GPATCH11: variants seen among roughly 807,000 people sequenced by gnomAD.
The protein encoded by GPATCH11 is G-patch domain containing 11.
GPATCH11 carries 32 observed loss-of-function variants against 44.8 expected under a neutral mutation model. That is an observed-to-expected ratio of 0.71 (90% CI 0.54 to 0.96). The LOEUF (loss-of-function observed/expected upper bound fraction) is 0.96, where lower values mean the gene tolerates loss of function less well. GPATCH11 is among the 40% of genes least tolerant of loss of function. GPATCH11 has a pLI of 0.00. For synonymous variants in GPATCH11, 84 were observed against 94.4 expected (o/e 0.89, Z 0.64); for missense variants, 324 against 303.1 (o/e 1.07, Z -0.51).
rs752899275 is a variant in GPATCH11, at chr2:37,096,431, AAAT to A, written c.*172_*174del. ...ATATGAATGTTCATTGACTTGAAAA[AAAT>A]AATGCAATGGCATTTCAGAACACAA... On this transcript the variant is annotated 3_prime_UTR_variant, in exon 9 of 9. Transcript: ENST00000674370. 2 of 588,816 alleles carry A rather than the reference AAAT, an allele frequency of 3.4e-6. No individual in the cohort carries two copies. The highest frequency in any genetic ancestry group is 6.0e-6 in the Non-Finnish European group (2 of 331,068). The allele number at this position is 588,816 out of a possible 1,614,324, so 36.5% of individuals were successfully genotyped here.
At chr2:37,093,904 C>T (rs544479724) in intron 6 of GPATCH11, among the ~76,000 whole-genome samples, 178 bp from the exon 7 acceptor site, 2 of 152,320 alleles carry the variant, frequency 1.3e-5, no homozygotes, top group African/African-American at 4.8e-5. Context: ...ATCCACCCAC[C>T]TCTCCCTCCC....
chr2:37,084,548 C>A lies in GPATCH11; in HGVS notation c.-36C>A, dbSNP rs1408397891. ...CAGCGCGCGCTCTACGGCGCTGAAC[C>A]GGGGCGAGCAGAGAGCTGTCAGGTA... is the stretch of plus-strand genomic sequence containing the variant. On this transcript the variant is annotated 5_prime_UTR_variant, in exon 1 of 9. Transcript: ENST00000674370. The A allele has an allele frequency of 1.6e-6, 2 of 1,232,434 alleles. No homozygotes were observed. Among genetic ancestry groups the A allele is most frequent in the Non-Finnish European group, 2.0e-6 (2 of 988,250 alleles). 76.3% of individuals were successfully genotyped at this position (1,232,434 alleles called of 1,614,324 possible).
At chr2:37,092,068 A>G (rs55823009) in intron 5 of GPATCH11, 32 bp downstream of exon 5, 97,214 of 1,610,892 alleles carry the variant, frequency 0.06, 3,375 homozygotes, top group Non-Finnish European at 0.069. Flanking sequence ...TTTTGGTTCT[A>G]TTTCCTCTTT....
Position 37,084,554 on chromosome 2 carries a change from G to C in GPATCH11, c.-30G>C, listed in dbSNP as rs568857434. 8.1e-7 allele frequency: 1 copy of C among 1,232,354 alleles called. No individual in the cohort carries two copies. 76.3% of individuals were successfully genotyped at this position (1,232,354 alleles called of 1,614,324 possible). The stretch of plus-strand genomic sequence containing the variant: ...GCGCTCTACGGCGCTGAACCGGGGC[G>C]AGCAGAGAGCTGTCAGGTAAGAGAG... On this transcript the variant is annotated 5_prime_UTR_variant, in exon 1 of 9. Transcript: ENST00000674370.
chr2:37,089,588 A>C (rs1673211708), intron 2 of GPATCH11, 52 bp from the exon 3 acceptor site: 1 of 1,278,802 alleles, frequency 7.8e-7, no homozygotes, highest in Non-Finnish European at 1.1e-6. Context: ...AAAAAAAAAA[A>C]AGAAAAGAAA....
In GPATCH11 at chr2:37,091,952, G is replaced by A. The variant is rs751355533; in HGVS notation, c.365G>A (p.Arg122Gln). ...ATTGGTCATGAGGCATCATTAAAAC[G>A]GAAAGCAGAGGAAAAATTGGAAAGC... Reference protein sequence around the residue: ...SGIGHEASLKRKAEEKLESYR... With the variant: ...SGIGHEASLKQKAEEKLESYR... The change falls in exon 5 of 9, where the codon CGG becomes CAG. Residue 122 changes from arginine (R) to glutamine (Q), a missense_variant. Coordinates refer to ENST00000674370, the MANE Select transcript of GPATCH11 (RefSeq NM_174931.4). 20 of 1,612,494 alleles carry A rather than the reference G, an allele frequency of 1.2e-5. No homozygotes were observed. In the East Asian group the frequency reaches 2.0e-4, roughly 16 times the overall value.
At chr2:37,095,579 G>A (rs1673537680) in intron 8 of GPATCH11, 61 bp downstream of exon 8, 2 of 1,452,910 alleles carry the variant, frequency 1.4e-6, no homozygotes, top group Non-Finnish European at 1.8e-6. Flanking sequence ...TTTAGTTAAA[G>A]TCATTTCCCA....
chr2:37,096,236 A>G lies in GPATCH11; in HGVS notation c.765A>G (p.Pro255=). 3 of 1,589,872 alleles carry G rather than the reference A, an allele frequency of 1.9e-6. No homozygotes were observed. The highest frequency in any genetic ancestry group is 1.2e-5 in the South Asian group (1 of 86,344). Residue 255 remains proline, a synonymous_variant, in exon 9 of 9, where the codon CCA becomes CCG. Transcript: ENST00000674370. ...EDKEDLSSNC[P]GPTSADHD is the part of the protein sequence containing the mutation. ...AAGAAGACCTATCTTCAAATTGTCCAGGACCAACTTCTGCAGATCATGACT... is the reference window on the plus strand; with the variant it reads ...AAGAAGACCTATCTTCAAATTGTCCGGGACCAACTTCTGCAGATCATGACT...
At chr2:37,094,427 T>A (rs1358400994) in intron 7 of GPATCH11, 4 of 377,944 alleles carry the variant, frequency 1.1e-5, no homozygotes, top group African/African-American at 4.0e-5. Context: ...GGTTGAGAGG[T>A]ACTGCATTGC....
intron 2 of GPATCH11, among the ~76,000 whole-genome samples, 159 bp downstream of exon 2, chr2:37,088,599 T>C (rs543182127): frequency 1.3e-5 from 2 of 152,322 alleles, no homozygotes; most frequent in African/African-American, 4.8e-5. Flanking sequence ...CACTGCAGCC[T>C]CAAACTCTCC....
In GPATCH11 at chr2:37,096,213, G is replaced by T. The variant is rs752629067; in HGVS notation, c.742G>T (p.Glu248Ter). ...IWCGTAYEDKEDLSSNCPGPT... is the reference protein window; with the variant it reads ...IWCGTAYEDK ...TTCCCTCACATAACTTACAGATAAA[G>T]AAGACCTATCTTCAAATTGTCCAGG... is the stretch of plus-strand genomic sequence containing the variant. The change falls in exon 9 of 9, where the codon GAA becomes TAA. Residue 248 changes from glutamate to a stop codon, truncating the protein, a stop_gained. Coordinates refer to ENST00000674370, the MANE Select transcript of GPATCH11 (RefSeq NM_174931.4). LOFTEE classifies it high-confidence loss of function. The T allele has an allele frequency of 1.9e-6, 3 of 1,571,250 alleles. No individual in the cohort carries two copies. The Admixed American group carries it at 5.4e-5, about 29-fold the overall frequency.
rs563369198 is a variant in GPATCH11 at position 37,098,891 on chromosome 2, A to T, written c.*2628A>T. 1.3e-5 allele frequency: 2 copies of T among 150,100 alleles called. No homozygotes were observed. Among genetic ancestry groups the T allele is most frequent in the East Asian group, 3.9e-4 (2 of 5,150 alleles). The allele number at this position is 150,100 out of a possible 1,614,324, so 9.3% of individuals were successfully genotyped here. A position where few individuals can be genotyped will look rare whatever the true frequency, so the allele number is the denominator to read the frequency against. On this transcript the variant is annotated 3_prime_UTR_variant, in exon 9 of 9. Transcript: ENST00000674370. The stretch of plus-strand genomic sequence containing the variant: ...TGAGAGACCTCCATCTTAAGGGAAT[A>T]AAAAAAAAATCAGACTTTCAATATG...
chr2:37,084,655 A>G (rs957400301), intron 1 of GPATCH11, 85 bp downstream of exon 1: 2 of 1,086,954 alleles, frequency 1.8e-6, no homozygotes, highest in African/African-American at 3.2e-5. Context: ...ACCGTATCAC[A>G]CCGTCAGCCA....
intron 6 of GPATCH11, among the ~76,000 whole-genome samples, chr2:37,093,152 A>G (rs1181912896): frequency 2.6e-5 from 4 of 152,280 alleles, no homozygotes; most frequent in African/African-American, 9.6e-5. Context: ...TCTCAAAAAT[A>G]AAATCAAGGT....
rs1673685102 is a variant in GPATCH11, at chr2:37,098,231, G to A, written c.*1968G>A. On this transcript the variant is annotated 3_prime_UTR_variant, in exon 9 of 9. Transcript: ENST00000674370. ...CCAGCTACTCAGAAGGCGGAGGCAT[G>A]AGAATTGCTTGAACCTGGGAGGCAG... is the stretch of plus-strand genomic sequence containing the variant. 1.3e-5 allele frequency: 2 copies of A among 151,656 alleles called. No homozygotes were observed. The highest frequency in any genetic ancestry group is 1.3e-4 in the Admixed American group (2 of 15,208). 9.4% of individuals were successfully genotyped at this position (151,656 alleles called of 1,614,324 possible).
intron 6 of GPATCH11, 29 bp downstream of exon 6, chr2:37,092,284 T>C (rs745994994): frequency 8.0e-7 from 1 of 1,243,184 alleles, no homozygotes; most frequent in Non-Finnish European, 1.0e-6. Flanking sequence ...TTCAGTTTAG[T>C]AAAGTGTTTT....
Position 37,096,782 on chromosome 2 carries a change from C to T in GPATCH11, c.*519C>T, listed in dbSNP as rs1396224374. The T allele has an allele frequency of 6.4e-6, 1 of 156,088 alleles. No individual in the cohort carries two copies. Among genetic ancestry groups the T allele is most frequent in the African/African-American group, 2.4e-5 (1 of 41,486 alleles). The allele number at this position is 156,088 out of a possible 1,614,324, so 9.7% of individuals were successfully genotyped here. A position where few individuals can be genotyped will look rare whatever the true frequency, so the allele number is the denominator to read the frequency against. On this transcript the variant is annotated 3_prime_UTR_variant, in exon 9 of 9. Coordinates refer to ENST00000674370, the MANE Select transcript of GPATCH11 (RefSeq NM_174931.4). ...TCAAGGTCAGGGAAACCACCAGGGG[C>T]TGGACCACACATGCTCAGTTCCTTC...
chr2:37,096,097 A>C, intron 8 of GPATCH11, 111 bp from the exon 9 acceptor site: 1 of 673,780 alleles, frequency 1.5e-6, no homozygotes, highest in Non-Finnish European at 2.5e-6. Flanking sequence ...TTTCTGGTTT[A>C]GCAGAATAAG....
At chr2:37,093,460 T>C (rs1048394383) in intron 6 of GPATCH11, among the ~76,000 whole-genome samples, 3 of 152,244 alleles carry the variant, frequency 2.0e-5, no homozygotes, top group Admixed American at 2.0e-4. Flanking sequence ...TATAGATTAC[T>C]GGAAGCAATC....
Sources: allele counts gnomAD v4.1 joint callset (sites outside exome capture counted in the v4.1 genomes callset), GRCh38; gene constraint gnomAD v4.1.1; transcripts MANE v1.5; gene names NCBI Gene and HGNC (gene_info 2026-07-23, HGNC 2026-07-21).